The following WWC1 variants were observed in gnomAD, a reference collection of about 807,000 sequenced individuals.
The protein encoded by WWC1 is protein KIBRA.
WWC1 carries 55 observed loss-of-function variants against 138.4 expected under a neutral mutation model. The ratio of observed to expected loss-of-function variants is 0.40; its 90% CI spans 0.32 to 0.50. WWC1 has a LOEUF of 0.50. Ranked by LOEUF, WWC1 falls within the 20% of genes least tolerant of loss-of-function variation. The pLI is 0.72. For synonymous variants in WWC1, 524 were observed against 564.9 expected (o/e 0.93, Z 1.03); for missense variants, 1,226 against 1,420.4 (o/e 0.86, Z 2.20).
At chr5:168,319,386 C>G (rs1200125058) in intron 1 of WWC1, among the ~76,000 whole-genome samples, 1 of 152,176 alleles carries the variant, frequency 6.6e-6, no homozygotes, top group African/African-American at 2.4e-5. Context: ...CAACACTGCA[C>G]TCCAGCCTGG....
At chr5:168,396,358 G>A (rs1778905696) in intron 3 of WWC1, among the ~76,000 whole-genome samples, 2 of 151,326 alleles carry the variant, frequency 1.3e-5, no homozygotes, top group African/African-American at 2.4e-5. Context: ...ACTGCAGCCT[G>A]GGCAATAGAG....
chr5:168,337,130 A>G (rs550689186), intron 1 of WWC1, among the ~76,000 whole-genome samples: 1 of 152,154 alleles, frequency 6.6e-6, no homozygotes, highest in African/African-American at 2.4e-5. Context: ...CGGCCCAGCC[A>G]TCTACACCAA....
At chr5:168,393,276 G>T (rs1270722078) in intron 3 of WWC1, among the ~76,000 whole-genome samples, 1 of 152,192 alleles carries the variant, frequency 6.6e-6, no homozygotes, top group Non-Finnish European at 1.5e-5. Flanking sequence ...TTCACTGAGT[G>T]TCCAACACAG....
At chr5:168,369,845 CT>C (rs1561669171) in intron 1 of WWC1, among the ~76,000 whole-genome samples, 1 of 142,898 alleles carries the variant, frequency 7.0e-6, no homozygotes, top group Non-Finnish European at 1.5e-5. Flanking sequence ...GTGTAAGCCT[CT>C]TTTTTTGGTT....
rs73805120 is a variant in WWC1 at position 168,402,493 on chromosome 5, T to C, written c.590+2926T>C. ...AGGGAAGAGCTCCTTGAGAGTGGGC[T>C]GGGGTGGTGACCTCTAGCTGGTTGC... On this transcript the variant is annotated intron_variant, in intron 5 of 22. Transcript: ENST00000265293. Among the ~76,000 whole-genome samples the C allele has an allele frequency of 8.5e-5, 13 of 152,290 alleles. No individual in the cohort carries two copies. In the East Asian group the frequency reaches 2.5e-3, roughly 29 times the overall value.
At chr5:168,320,000 T>A (rs991552855) in intron 1 of WWC1, among the ~76,000 whole-genome samples, 1 of 151,976 alleles carries the variant, frequency 6.6e-6, no homozygotes, top group Non-Finnish European at 1.5e-5. Flanking sequence ...TGCATTTCCC[T>A]AGTGATGAGT....
rs1313365228 is a variant in WWC1 at position 168,291,822 on chromosome 5, A to AGGAGGGCAGACGGCGGCGGCGGC, written c.-328_-306dup. 3 of 149,482 alleles carry AGGAGGGCAGACGGCGGCGGCGGC rather than the reference A, an allele frequency of 2.0e-5. No homozygotes were observed. The highest frequency in any genetic ancestry group is 4.5e-5 in the Non-Finnish European group (3 of 67,082). 9.3% of individuals were successfully genotyped at this position (149,482 alleles called of 1,614,324 possible). ...GAGGGCGCAGCGCGCCGCGCGGCGG[A>AGGAGGGCAGACGGCGGCGGCGGC]GGAGGGCAGACGGCGGCGGCGGCGG... is the stretch of plus-strand genomic sequence containing the variant. On this transcript the variant is annotated 5_prime_UTR_variant, in exon 1 of 23. Coordinates refer to ENST00000265293, the MANE Select transcript of WWC1 (RefSeq NM_015238.3).
At chr5:168,428,817 G>T in intron 13 of WWC1, 30 bp downstream of exon 13, 1 of 1,612,118 alleles carries the variant, frequency 6.2e-7, no homozygotes, top group South Asian at 1.1e-5. Flanking sequence ...AGGACAGAAG[G>T]AACGGTCTGT....
intron 1 of WWC1, among the ~76,000 whole-genome samples, chr5:168,339,977 TTCTC>T (rs1159747247): frequency 3.1e-4 from 33 of 105,356 alleles, no homozygotes; most frequent in African/African-American, 7.7e-4. Context: ...CTGTCTCTCT[TTCTC>T]TCTTTCTCTC....
At chr5:168,370,785 G>A (rs921602387) in intron 1 of WWC1, among the ~76,000 whole-genome samples, 1 of 152,208 alleles carries the variant, frequency 6.6e-6, no homozygotes, top group Non-Finnish European at 1.5e-5. Flanking sequence ...CACAAGATGG[G>A]GACATAGAGA....
At chr5:168,446,488 T>C (rs1755279552) in intron 17 of WWC1, among the ~76,000 whole-genome samples, 2 of 152,214 alleles carry the variant, frequency 1.3e-5, no homozygotes, top group Non-Finnish European at 2.9e-5. Context: ...TGTGTAACCT[T>C]AGGCAAAGTA....
At chr5:168,434,827 A>G (rs1003968163) in intron 15 of WWC1, among the ~76,000 whole-genome samples, 6 of 152,138 alleles carry the variant, frequency 3.9e-5, no homozygotes, top group South Asian at 2.1e-4. Flanking sequence ...GCTGAGCTCA[A>G]TGCCACCCAG....
In WWC1 at chr5:168,355,747, G is replaced by A. The variant is rs561666606; in HGVS notation, c.120-15677G>A. Among the ~76,000 whole-genome samples, 29 of 152,260 alleles carry A rather than the reference G, an allele frequency of 1.9e-4. No homozygotes were observed. The South Asian group carries it at 4.4e-3, about 23-fold the overall frequency. ...AGACTTTGAAGGGGTTGGAGCAACC[G>A]AGTGACAAGACTGGATTAATGTGTT... On this transcript the variant is annotated intron_variant, in intron 1 of 22. Transcript: ENST00000265293.
In WWC1 at chr5:168,339,305, C is replaced by T. The variant is rs182643792; in HGVS notation, c.120-32119C>T. On this transcript the variant is annotated intron_variant, in intron 1 of 22. Coordinates refer to ENST00000265293, the MANE Select transcript of WWC1 (RefSeq NM_015238.3). Reference sequence around the variant, plus strand: ...AGGGATGAGGGTGGGGTTCTGGGACCTGGGGAGGGAGGGAGCTCTTCCTTC... The same window carrying T: ...AGGGATGAGGGTGGGGTTCTGGGACTTGGGGAGGGAGGGAGCTCTTCCTTC... Among the ~76,000 whole-genome samples the T allele has an allele frequency of 3.0e-4, 45 of 152,152 alleles. No individual in the cohort carries two copies. The East Asian group carries it at 5.0e-3, about 17-fold the overall frequency.
At chr5:168,415,462 C>T (rs1309652552) in intron 9 of WWC1, 1 of 152,148 alleles carries the variant, frequency 6.6e-6, no homozygotes, top group Non-Finnish European at 1.5e-5. Flanking sequence ...TTGTTTATTT[C>T]CTTCAGTGTT....
At chr5:168,453,238 A>G (rs1225681380) in intron 17 of WWC1, among the ~76,000 whole-genome samples, 1 of 152,060 alleles carries the variant, frequency 6.6e-6, no homozygotes, top group African/African-American at 2.4e-5. Flanking sequence ...GGAAAAAAAA[A>G]AAGGAATGAA....
At chr5:168,381,555 C>G (rs753920016) in intron 2 of WWC1, among the ~76,000 whole-genome samples, 1 of 152,172 alleles carries the variant, frequency 6.6e-6, no homozygotes, top group Non-Finnish European at 1.5e-5. Flanking sequence ...TTCTCACTCC[C>G]AGAGATTGGG....
intron 2 of WWC1, among the ~76,000 whole-genome samples, chr5:168,378,756 G>A (rs1438911806): frequency 6.6e-6 from 1 of 152,130 alleles, no homozygotes; most frequent in Non-Finnish European, 1.5e-5. Flanking sequence ...CGTTTCTTTT[G>A]ACTTTTGATA....
At chr5:168,329,983 G>C (rs977276640) in intron 1 of WWC1, among the ~76,000 whole-genome samples, 6 of 152,192 alleles carry the variant, frequency 3.9e-5, no homozygotes, top group Admixed American at 3.9e-4. Context: ...GGTGGCAGGC[G>C]TATGTAGCCA....
Sources: allele counts gnomAD v4.1 joint callset (sites outside exome capture counted in the v4.1 genomes callset), GRCh38; gene constraint gnomAD v4.1.1; transcripts MANE v1.5; gene names NCBI Gene and HGNC (gene_info 2026-07-23, HGNC 2026-07-21).